Variants in ZNF646 observed in about 807,000 individuals in gnomAD.
The protein encoded by ZNF646 is zinc finger protein 646.
In ZNF646, 49 loss-of-function variants were observed where a neutral mutation model predicts 115.4. That is an observed-to-expected ratio of 0.42 (90% CI 0.34 to 0.54). The LOEUF (loss-of-function observed/expected upper bound fraction) is 0.54, where lower values mean the gene tolerates loss of function less well. Among genes scored for constraint, ZNF646 ranks in the 20% least tolerant of loss-of-function variants. ZNF646 has a pLI of 0.04. For synonymous variants in ZNF646, 933 were observed against 939.0 expected (o/e 0.99, Z 0.12); for missense variants, 2,269 against 2,457.9 (o/e 0.92, Z 1.62).
Position 31,077,996 on chromosome 16 carries a change from CATG to C in ZNF646, c.1674_1676del (p.His558_Glu559delinsGln). On this transcript the variant is annotated inframe_deletion, in exon 2 of 3. Coordinates refer to ENST00000300850, the MANE Select transcript of ZNF646 (RefSeq NM_014699.4). ...CACAGATCAGGACCATGTGTGCAAA[CATG>C]AAGAAGAGGCCACGGACATCACCCC... 1.2e-6 allele frequency: 2 copies of C among 1,614,082 alleles called. No individual in the cohort carries two copies. The highest frequency in any genetic ancestry group is 1.7e-6 in the Non-Finnish European group (2 of 1,180,044).
chr16:31,078,907 T>G lies in ZNF646; in HGVS notation c.2583T>G (p.Pro861=), dbSNP rs765954070. ...GCCCGAAGGAGTTTGACTCTCTGCC[T>G]GCCCTCCGCAGCCACTTCCAGAACC... ...SLCPKEFDSL[P]ALRSHFQNHR... is the part of the protein sequence containing the mutation. The change falls in exon 2 of 3, where the codon CCT becomes CCG. Residue 861 remains proline (P), a synonymous_variant. Coordinates refer to ENST00000300850, the MANE Select transcript of ZNF646 (RefSeq NM_014699.4). The G allele has an allele frequency of 3.7e-6, 6 of 1,613,618 alleles. No homozygotes were observed. The highest frequency in any genetic ancestry group is 5.1e-6 in the Non-Finnish European group (6 of 1,180,038).
rs749567555 is a variant in ZNF646 at position 31,079,632 on chromosome 16, G to A, written c.3308G>A (p.Arg1103His). Residue 1103 changes from arginine (R) to histidine (H), a missense_variant, in exon 2 of 3, where the codon CGC (arginine) becomes CAC (histidine). By Grantham distance (29) the Arg-to-His change is conservative. Coordinates refer to ENST00000300850, the MANE Select transcript of ZNF646 (RefSeq NM_014699.4). This position sits in a 1 kb window ranked among gnomAD's most constrained non-coding sequence, Gnocchi z 5.5. ...AYRNHLRNHP[R>H]CKGSEPQVGP... The stretch of plus-strand genomic sequence containing the variant: ...CGTAATCATCTGCGGAACCACCCTC[G>A]CTGCAAAGGCTCTGAGCCCCAGGTT... 31 of 1,613,176 alleles carry A rather than the reference G, an allele frequency of 1.9e-5. No homozygotes were observed. The highest frequency in any genetic ancestry group is 2.7e-5 in the African/African-American group (2 of 74,890).
chr16:31,082,749 GAAGGAATGGCTTT>G (rs1185428901), intron 2 of ZNF646: 2 of 577,954 alleles, frequency 3.5e-6, no homozygotes, highest in Non-Finnish European at 6.0e-6. Context: ...CCTGAAAGCT[GAAGGAATGGCTTT>G]AAGGATAGAA....
Position 31,081,653 on chromosome 16 carries a change from G to A in ZNF646, c.5329G>A (p.Val1777Met), listed in dbSNP as rs547056020. The A allele has an allele frequency of 3.3e-5, 53 of 1,606,202 alleles. No homozygotes were observed. Among genetic ancestry groups the A allele is most frequent in the South Asian group, 3.0e-4 (27 of 90,326 alleles). Reference protein sequence around the residue: ...PRHFRRRISFVQHQQQHQEEW... With the variant: ...PRHFRRRISFMQHQQQHQEEW... Reference sequence around the variant, plus strand: ...CCACTTCCGCCGCCGAATCAGCTTCGTGCAGCACCAGCAGCAGCACCAGGA... The same window carrying A: ...CCACTTCCGCCGCCGAATCAGCTTCATGCAGCACCAGCAGCAGCACCAGGA... Residue 1777 changes from valine (V) to methionine (M), a missense_variant, in exon 2 of 3, where the codon GTG becomes ATG. By Grantham distance (21) the Val-to-Met change is conservative. Coordinates refer to ENST00000300850, the MANE Select transcript of ZNF646 (RefSeq NM_014699.4).
Position 31,076,995 on chromosome 16 carries a change from G to T in ZNF646, c.671G>T (p.Gly224Val), listed in dbSNP as rs768894382. Reference sequence around the variant, plus strand: ...GAATCAGTAGTGAACTTCACAGGGGGCCAGGAGCCCACCCAGTCCCCTCCT... The same window carrying T: ...GAATCAGTAGTGAACTTCACAGGGGTCCAGGAGCCCACCCAGTCCCCTCCT... The part of the protein sequence containing the change: ...LAESVVNFTG[G>V]QEPTQSPPAE... The change falls in exon 2 of 3, where the codon GGC (glycine) becomes GTC (valine). Residue 224 changes from glycine to valine, a missense_variant. By Grantham distance (109) the Gly-to-Val change is moderately radical (BLOSUM62 -3). Transcript: ENST00000300850. The T allele has an allele frequency of 1.1e-5, 18 of 1,613,986 alleles. No homozygotes were observed. The highest frequency in any genetic ancestry group is 1.4e-5 in the Non-Finnish European group (17 of 1,179,936).
Position 31,077,373 on chromosome 16 carries a change from T to G in ZNF646, c.1049T>G (p.Met350Arg), listed in dbSNP as rs1373192759. 2 of 1,613,050 alleles carry G rather than the reference T, an allele frequency of 1.2e-6. No individual in the cohort carries two copies. Among genetic ancestry groups the G allele is most frequent in the Admixed American group, 1.7e-5 (1 of 59,964 alleles). ...CAGGACCAGCTCCCCAGTGCACAGA[T>G]GCTGAATGGCTCTGCGGAGCTCAGC... ...SSQDQLPSAQMLNGSAELSTS... is the reference protein window; with the variant it reads ...SSQDQLPSAQRLNGSAELSTS... The change falls in exon 2 of 3, where the codon ATG becomes AGG. Residue 350 changes from methionine (M) to arginine (R), a missense_variant. Coordinates refer to ENST00000300850, the MANE Select transcript of ZNF646 (RefSeq NM_014699.4).
rs761528027 is a variant in ZNF646 at position 31,079,732 on chromosome 16, C to T, written c.3408C>T (p.Pro1136=). Residue 1136 remains proline, a synonymous_variant, in exon 2 of 3, where the codon CCC becomes CCT. Coordinates refer to ENST00000300850, the MANE Select transcript of ZNF646 (RefSeq NM_014699.4). This position sits in a 1 kb window ranked among gnomAD's most constrained non-coding sequence, Gnocchi z 5.5. ...TCCCAGAAGGAGGCAGCAACAAGCC[C>T]CAGCACATGGCAGAGGAGGGGCCGG... The part of the protein sequence containing the change: ...GPIPEGGSNK[P]QHMAEEGPGQ... 1 of 1,613,450 alleles carries T rather than the reference C, an allele frequency of 6.2e-7. No homozygotes were observed. Among genetic ancestry groups the T allele is most frequent in the African/African-American group, 1.3e-5 (1 of 74,848 alleles).
chr16:31,072,948 G>A (rs1181556969), upstream of ZNF646: 1 of 152,304 alleles, frequency 6.6e-6, no homozygotes, highest in African/African-American at 2.4e-5. Context: ...GAGAGGTAAG[G>A]GCCCCACGCC....
At position 31,079,628 on chromosome 16, in the gene ZNF646, C is replaced by T. The variant is rs748509577; in HGVS notation, c.3304C>T (p.Pro1102Ser). ...CTACCGTAATCATCTGCGGAACCAC[C>T]CTCGCTGCAAAGGCTCTGAGCCCCA... Reference protein sequence around the residue: ...AAYRNHLRNHPRCKGSEPQVG... With the variant: ...AAYRNHLRNHSRCKGSEPQVG... The change falls in exon 2 of 3, where the codon CCT (proline) becomes TCT (serine). Residue 1102 changes from proline (P) to serine (S), a missense_variant. Physicochemically the swap from Pro to Ser is moderately conservative, Grantham distance 74. This residue lies in a region of ZNF646 where 1,062 missense variants were observed against 1,172.8 expected (regional missense o/e 0.91). Transcript: ENST00000300850. The surrounding 1 kb of genome is among the most constrained non-coding windows in gnomAD (Gnocchi z 5.5). The T allele has an allele frequency of 6.2e-7, 1 of 1,613,390 alleles. No homozygotes were observed. The highest frequency in any genetic ancestry group is 1.1e-5 in the South Asian group (1 of 91,076).
In ZNF646 at chr16:31,077,558, A is replaced by G. The variant is rs868668947; in HGVS notation, c.1234A>G (p.Asn412Asp). The G allele has an allele frequency of 3.1e-6, 5 of 1,613,256 alleles. No homozygotes were observed. In the African/African-American group the frequency reaches 4.0e-5, roughly 13 times the overall value. The change falls in exon 2 of 3, where the codon AAT (asparagine) becomes GAT (aspartate). Residue 412 changes from asparagine (N) to aspartate (D), a missense_variant. Physicochemically the swap from Asn to Asp is conservative, Grantham distance 23. Around this residue, in one of 5 missense-constraint regions of ZNF646, gnomAD observed 852 missense variants for 900.2 expected, o/e 0.95. Coordinates refer to ENST00000300850, the MANE Select transcript of ZNF646 (RefSeq NM_014699.4). ...CTCACTCTGTTCTAAGCAGCTGTTC[A>G]ATGCGGCTGCCCTCAAAAACCATGT... is the stretch of plus-strand genomic sequence containing the variant. ...PCSLCSKQLFNAAALKNHVRA... is the reference protein window; with the variant it reads ...PCSLCSKQLFDAAALKNHVRA...
chr16:31,081,785 A>G, intron 2 of ZNF646, 84 bp downstream of exon 2: 1 of 1,461,620 alleles, frequency 6.8e-7, no homozygotes, highest in Non-Finnish European at 9.1e-7. Context: ...GGGAGCAAGG[A>G]GTGAGAGGAG....
chr16:31,075,577 C>T (rs1016353802), intron 1 of ZNF646, among the ~76,000 whole-genome samples: 10 of 152,140 alleles, frequency 6.6e-5, no homozygotes, highest in African/African-American at 2.4e-4. Flanking sequence ...GGATTACAGG[C>T]GTGAGCCACC....
rs530813544 is a variant in ZNF646, at chr16:31,081,002, C to T, written c.4678C>T (p.Leu1560=). 152 of 1,614,106 alleles carry T rather than the reference C, an allele frequency of 9.4e-5. 3 individuals are homozygous for T. In the South Asian group the frequency reaches 1.6e-3, roughly 17 times the overall value. The part of the protein sequence containing the change: ...NTNKTDRHYC[L]LCSKEFLNPV... The stretch of plus-strand genomic sequence containing the variant: ...CAACAAGACAGACCGACACTATTGC[C>T]TGCTCTGCTCCAAGGAGTTCTTAAA... The change falls in exon 2 of 3, where the codon CTG becomes TTG. Residue 1560 remains leucine (L), a synonymous_variant. Transcript: ENST00000300850.
Position 31,080,101 on chromosome 16 carries a change from C to T in ZNF646, c.3777C>T (p.Arg1259=), listed in dbSNP as rs370492820. The change falls in exon 2 of 3, where the codon CGC becomes CGT. Residue 1259 remains arginine, a synonymous_variant. Transcript: ENST00000300850. ...TCCATGCAGATCCCCGACGTTTCCG[C>T]TGCAGCGAGTGTGGGAAGGCCTTCC... is the stretch of plus-strand genomic sequence containing the variant. ...RRIHADPRRF[R]CSECGKAFRL... is the part of the protein sequence containing the mutation. 6.2e-7 allele frequency: 1 copy of T among 1,613,270 alleles called. No homozygotes were observed.
chr16:31,073,017 G>T (rs1355098443), upstream of ZNF646: 1 of 152,276 alleles, frequency 6.6e-6, no homozygotes, highest in African/African-American at 2.4e-5. Context: ...GTGGGAGTTT[G>T]AAGGGCGGTG....
rs546555803 is a variant in ZNF646, at chr16:31,076,281, G to A, written c.-44G>A. On this transcript the variant is annotated 5_prime_UTR_variant, in exon 2 of 3. The change creates a new upstream start codon in the 5' untranslated region. Coordinates refer to ENST00000300850, the MANE Select transcript of ZNF646 (RefSeq NM_014699.4). ...CTCCACCAGAGGAAGGTGCTGCCAC[G>A]TGTCTGCTCCTTCTGAACCTCCAGG... 21 of 1,557,316 alleles carry A rather than the reference G, an allele frequency of 1.3e-5. No homozygotes were observed. The highest frequency in any genetic ancestry group is 4.8e-5 in the South Asian group (4 of 83,676).
Position 31,084,129 on chromosome 16 carries a change from C to T in ZNF646, c.*1037C>T, listed in dbSNP as rs975295513. 4.4e-6 allele frequency: 7 copies of T among 1,579,164 alleles called. No homozygotes were observed. The highest frequency in any genetic ancestry group is 6.0e-6 in the Non-Finnish European group (7 of 1,163,330). ...CCCGGGGCCACATACTTATGTTGGC[C>T]AGGCAGCTTCCAGGCTCAGCCTCGG... On this transcript the variant is annotated 3_prime_UTR_variant, in exon 3 of 3. Transcript: ENST00000300850.
In ZNF646 at chr16:31,080,550, A is replaced by G. The variant is rs149559174; in HGVS notation, c.4226A>G (p.Asn1409Ser). ...GATGGCACAGCGGCCAGTGAGGCGA[A>G]CCTGACTGGCAGCCAGGGACTAGAG... ...GLDGTAASEA[N>S]LTGSQGLETQ... Residue 1409 changes from asparagine (N) to serine (S), a missense_variant, in exon 2 of 3, where the codon AAC becomes AGC. Physicochemically the swap from Asn to Ser is conservative, Grantham distance 46 (BLOSUM62 1). Coordinates refer to ENST00000300850, the MANE Select transcript of ZNF646 (RefSeq NM_014699.4). 1.6e-4 allele frequency: 254 copies of G among 1,613,934 alleles called. 1 individual carries two copies. Among genetic ancestry groups the G allele is most frequent in the Middle Eastern group, 3.3e-4 (2 of 6,084 alleles).
chr16:31,073,211 A>C (rs926029810), upstream of ZNF646: 2 of 152,456 alleles, frequency 1.3e-5, no homozygotes, highest in Admixed American at 6.5e-5. Context: ...AAGGATGAGG[A>C]GATGAACAAA....
Sources: gnomAD v4.1 joint callset for allele counts (sites outside exome capture counted in the v4.1 genomes callset) on GRCh38, gnomAD v4.1.1 for gene constraint, gnomAD v4.1.1 regional missense constraint, Gnocchi (gnomAD v3.1) non-coding constraint, MANE v1.5 for transcripts, NCBI Gene and HGNC (gene_info 2026-07-23, HGNC 2026-07-21) for gene names.